MEIOB: variants seen among roughly 807,000 people sequenced by gnomAD.
The protein encoded by MEIOB is meiosis specific with OB-fold, also known as meiosis-specific with OB domain-containing protein.
In MEIOB, 50 loss-of-function variants were observed where a neutral mutation model predicts 53.1. The observed-to-expected ratio is 0.94, with a 90% CI of 0.75 to 1.19. The LOEUF is 1.19. Among genes scored for constraint, MEIOB ranks in the 50% most tolerant of loss-of-function variants. The pLI, the probability that MEIOB is intolerant of heterozygous loss-of-function variation, is 0.00. For synonymous variants in MEIOB, 192 were observed against 182.5 expected, an observed-to-expected ratio of 1.05 and a Z score of -0.42; for missense variants, 551 against 550.8, an observed-to-expected ratio of 1.00 and a Z score of 0.00.
intron 12 of MEIOB, 138 bp from the exon 13 acceptor site, chr16:1,838,008 G>A (rs908265672): frequency 1.4e-6 from 2 of 1,434,200 alleles, no homozygotes; most frequent in Admixed American, 2.8e-5. Context: ...GTTTGTTTTT[G>A]TTTGTAGAGA....
intron 12 of MEIOB, 121 bp downstream of exon 12, chr16:1,839,134 C>T: frequency 8.5e-7 from 1 of 1,176,896 alleles, no homozygotes; most frequent in East Asian, 2.7e-5. Context: ...ATGATTTTTT[C>T]CCAGGCTGTT....
At chr16:1,864,482 CTTTTCTTTTT>C (rs1899533223) in intron 3 of MEIOB, among the ~76,000 whole-genome samples, 2 of 35,418 alleles carry the variant, frequency 5.6e-5, no homozygotes, top group African/African-American at 2.1e-4. Flanking sequence ...ATTTCTTTTT[CTTTTCTTTTT>C]TTTTTTTTTT....
In MEIOB at chr16:1,839,551, TGA is replaced by T. The variant is rs1898843765; in HGVS notation, c.1035-115_1035-114del. On this transcript the variant is annotated intron_variant, in intron 11 of 13. Transcript: ENST00000325962. ...CTACGACAGTGTGTGGAAAACTTACTGAGTGTTCAGTGCTATGCGGTCTACAA... is the reference window on the plus strand; with the variant it reads ...CTACGACAGTGTGTGGAAAACTTACTGTGTTCAGTGCTATGCGGTCTACAA... The T allele has an allele frequency of 3.2e-5, 31 of 964,480 alleles. No homozygotes were observed. In the South Asian group the frequency reaches 5.3e-4, roughly 16 times the overall value. 59.7% of individuals were successfully genotyped at this position (964,480 alleles called of 1,614,324 possible).
chr16:1,861,169 G>C (rs2150821744), intron 4 of MEIOB, among the ~76,000 whole-genome samples: 1 of 152,268 alleles, frequency 6.6e-6, no homozygotes, highest in Middle Eastern at 3.4e-3. Context: ...TTTGAATCTA[G>C]ACCTCTGTGT....
chr16:1,856,161 A>ATT lies in MEIOB; in HGVS notation c.528+1572_528+1573dup, dbSNP rs71145499. 2.3e-3 allele frequency among the ~76,000 whole-genome samples: 324 copies of ATT among 143,384 alleles called. 2 individuals are homozygous for ATT. The highest frequency in any genetic ancestry group is 5.4e-3 in the East Asian group (26 of 4,838). 94.1% of individuals were successfully genotyped at this position (143,384 alleles called of 152,430 possible). ...AGGTACCTGCCACCATGCCCAGCTA[A>ATT]TTTTTTTTTTTTGAGACGGAGTCTC... On this transcript the variant is annotated intron_variant, in intron 6 of 13. Transcript: ENST00000325962.
At chr16:1,835,648 C>T (rs1898724799) in intron 13 of MEIOB, among the ~76,000 whole-genome samples, 1 of 152,126 alleles carries the variant, frequency 6.6e-6, no homozygotes, top group Non-Finnish European at 1.5e-5. Flanking sequence ...ACAGGGGCTA[C>T]ACCTCCCATT....
At chr16:1,840,441 G>A (rs1898871318) in intron 11 of MEIOB, among the ~76,000 whole-genome samples, 1 of 152,136 alleles carries the variant, frequency 6.6e-6, no homozygotes, top group East Asian at 1.9e-4. Context: ...TACGACCAGT[G>A]GATTGAATGG....
rs1365332971 is a variant in MEIOB, at chr16:1,841,933, CT to C, written c.920del (p.Lys307ArgfsTer5). On this transcript the variant is annotated frameshift_variant, in exon 11 of 14. Transcript: ENST00000325962. LOFTEE classifies it high-confidence loss of function. ...TTCCTTCATTCTTCAAAGCTTTTCC[CT>C]TTAATTGTTCAACTGTGTAGACATC... ...IVDVYTVEQL[K>X]GKALKNEGKA... The C allele has an allele frequency of 6.2e-7, 1 of 1,608,218 alleles. No individual in the cohort carries two copies. Among genetic ancestry groups the C allele is most frequent in the Admixed American group, 1.7e-5 (1 of 59,354 alleles).
At chr16:1,850,017 T>G (rs1899124865) in intron 9 of MEIOB, among the ~76,000 whole-genome samples, 1 of 152,248 alleles carries the variant, frequency 6.6e-6, no homozygotes, top group Non-Finnish European at 1.5e-5. Context: ...TTTAAAAATG[T>G]GTCTCCTTGA....
chr16:1,835,390 A>G (rs1463989990), intron 13 of MEIOB, among the ~76,000 whole-genome samples: 1 of 152,224 alleles, frequency 6.6e-6, no homozygotes, highest in East Asian at 1.9e-4. Context: ...ACATAATTTA[A>G]TAATAGTCTT....
chr16:1,866,046 C>T (rs1024282639), intron 2 of MEIOB, among the ~76,000 whole-genome samples: 6 of 152,150 alleles, frequency 3.9e-5, no homozygotes, highest in Admixed American at 2.6e-4. Flanking sequence ...AAGTTAACTA[C>T]TATTACAAAT....
chr16:1,855,158 G>A (rs1351476665), intron 6 of MEIOB, among the ~76,000 whole-genome samples: 1 of 152,218 alleles, frequency 6.6e-6, no homozygotes, highest in Non-Finnish European at 1.5e-5. Context: ...GAGTGGCCGG[G>A]AGGGGTGGCT....
At chr16:1,835,008 A>G (rs890586988) in intron 13 of MEIOB, among the ~76,000 whole-genome samples, 4 of 146,358 alleles carry the variant, frequency 2.7e-5, no homozygotes, top group Admixed American at 1.4e-4. Flanking sequence ...TAATCCCAGC[A>G]CTTTGGGAGG....
intron 2 of MEIOB, among the ~76,000 whole-genome samples, chr16:1,867,518 C>T (rs1899625990): frequency 8.1e-6 from 1 of 123,842 alleles, no homozygotes; most frequent in African/African-American, 3.2e-5. Flanking sequence ...TCTTGTTGCC[C>T]AGGCTGGAGT....
chr16:1,848,322 C>G (rs1899073146), intron 9 of MEIOB, among the ~76,000 whole-genome samples: 1 of 152,128 alleles, frequency 6.6e-6, no homozygotes, highest in African/African-American at 2.4e-5. Context: ...TTATTTCATG[C>G]TAAATTCCAT....
At chr16:1,856,029 C>G (rs573726860) in intron 6 of MEIOB, among the ~76,000 whole-genome samples, 2 of 151,204 alleles carry the variant, frequency 1.3e-5, no homozygotes, top group East Asian at 3.9e-4. Flanking sequence ...GAATCTCGCT[C>G]TGTCGCCCAG....
intron 10 of MEIOB, 43 bp from the exon 11 acceptor site, chr16:1,842,016 A>G (rs1898924911): frequency 7.6e-6 from 10 of 1,322,636 alleles, no homozygotes; most frequent in Non-Finnish European, 1.0e-5. Context: ...TATATTCTAA[A>G]AAATATAAAA....
At chr16:1,855,169 C>G (rs1158270302) in intron 6 of MEIOB, among the ~76,000 whole-genome samples, 1 of 152,180 alleles carries the variant, frequency 6.6e-6, no homozygotes, top group African/African-American at 2.4e-5. Context: ...AGGGGTGGCT[C>G]ACGCCTGTAA....
At chr16:1,836,339 G>A (rs920038182) in intron 13 of MEIOB, among the ~76,000 whole-genome samples, 1 of 152,216 alleles carries the variant, frequency 6.6e-6, no homozygotes, top group Non-Finnish European at 1.5e-5. Context: ...GTATCCACTT[G>A]AGGGTCATTC....
Sources: gnomAD v4.1 joint callset for allele counts (sites outside exome capture counted in the v4.1 genomes callset) on GRCh38, gnomAD v4.1.1 for gene constraint, MANE v1.5 for transcripts, NCBI Gene and HGNC (gene_info 2026-07-23, HGNC 2026-07-21) for gene names.